The following FAM177B variants were observed in gnomAD, a reference collection of about 807,000 sequenced individuals.
FAM177B encodes family with sequence similarity 177 member B.
A neutral mutation model predicts 16.1 loss-of-function variants in FAM177B; 16 were observed. The observed-to-expected ratio is 0.99, with a 90% CI of 0.67 to 1.51. FAM177B has a LOEUF of 1.51. FAM177B is among the 40% of genes most tolerant of loss of function. The probability of loss-of-function intolerance (pLI) is 0.00; values close to 1 mark genes in which losing one functional copy is unlikely to be tolerated. For synonymous variants in FAM177B, 56 were observed against 59.9 expected (o/e 0.93, Z 0.30); for missense variants, 178 against 183.7 (o/e 0.97, Z 0.18).
chr1:222,747,247 A>T, intron 4 of FAM177B, 166 bp downstream of exon 4: 1 of 581,722 alleles, frequency 1.7e-6, no homozygotes. Flanking sequence ...TCGCATCCTC[A>T]GGCAGACCCT....
Position 222,749,949 on chromosome 1 carries a change from G to C in FAM177B, c.368G>C (p.Gly123Ala). The change falls in exon 6 of 6, where the codon GGA (glycine) becomes GCA (alanine). Residue 123 changes from glycine (G) to alanine (A), a missense_variant. Transcript: ENST00000445590. ...AGTGACAACAAAAGTGAAAGGAGAG[G>C]ATCAAAGGCCCAGGCAGCTGAGGTT... ...KKSDNKSERR[G>A]SKAQAAEVPN... 1 of 1,614,094 alleles carries C rather than the reference G, an allele frequency of 6.2e-7. No homozygotes were observed. Among genetic ancestry groups the C allele is most frequent in the Non-Finnish European group, 8.5e-7 (1 of 1,179,966 alleles).
rs1175915346 is a variant in FAM177B at position 222,741,862 on chromosome 1, CTTCT to C, written c.-16+3855_-16+3858del. Among the ~76,000 whole-genome samples, 482 of 117,604 alleles carry C rather than the reference CTTCT, an allele frequency of 4.1e-3. 3 individuals carry two copies. Among genetic ancestry groups the C allele is most frequent in the Middle Eastern group, 9.3e-3 (2 of 214 alleles). 77.2% of individuals were successfully genotyped at this position (117,604 alleles called of 152,430 possible). A position where few individuals can be genotyped will look rare whatever the true frequency, so the allele number is the denominator to read the frequency against. On this transcript the variant is annotated intron_variant, in intron 2 of 5. Transcript: ENST00000445590. ...TCTTTTTTCCTTCCTTCCTTCCTTT[CTTCT>C]TTCTTTCTTTCTTCCTTCCTTCCCT...
At position 222,750,192 on chromosome 1, in the gene FAM177B, A is replaced by G. The variant is rs1658992039; in HGVS notation, c.*134A>G. On this transcript the variant is annotated 3_prime_UTR_variant, in exon 6 of 6. Transcript: ENST00000445590. ...ACCAGAGGTAGCACTTCTGAGCCAG[A>G]TCTGATCCTAATCTCTGTGTGACTT... The G allele has an allele frequency of 6.8e-7, 1 of 1,474,596 alleles. No individual in the cohort carries two copies. The highest frequency in any genetic ancestry group is 8.9e-7 in the Non-Finnish European group (1 of 1,118,364). 91.3% of individuals were successfully genotyped at this position (1,474,596 alleles called of 1,614,324 possible).
chr1:222,744,057 T>C lies in FAM177B; in HGVS notation c.-15-2474T>C, dbSNP rs1403585598. 3.3e-5 allele frequency among the ~76,000 whole-genome samples: 5 copies of C among 152,242 alleles called. No individual in the cohort carries two copies. In the East Asian group the frequency reaches 5.8e-4, roughly 18 times the overall value. On this transcript the variant is annotated intron_variant, in intron 2 of 5. Coordinates refer to ENST00000445590, the MANE Select transcript of FAM177B (RefSeq NM_001394345.1). ...TTTTTCTGCTTCCTTAGTGTACTTA[T>C]GATTTAATGTTTTCATTTAATTTCA...
intron 2 of FAM177B, among the ~76,000 whole-genome samples, chr1:222,744,075 T>C (rs1658676492): frequency 6.6e-6 from 1 of 152,228 alleles, no homozygotes; most frequent in African/African-American, 2.4e-5. Context: ...TGTTTTCATT[T>C]AATTTCATCC....
At position 222,750,805 on chromosome 1, in the gene FAM177B, CAA is replaced by C. The variant is rs67590420; in HGVS notation, c.*760_*761del. 0.01 allele frequency: 1,487 copies of C among 143,340 alleles called. 15 individuals are homozygous for C. The highest frequency in any genetic ancestry group is 0.028 in the African/African-American group (1,055 of 37,406). 8.9% of individuals were successfully genotyped at this position (143,340 alleles called of 1,614,324 possible). A position where few individuals can be genotyped will look rare whatever the true frequency, so the allele number is the denominator to read the frequency against. ...GATACATTAATAGCAAAAAACAAAC[CAA>C]AAAAAAAAAAAATGAAAAACACAGG... On this transcript the variant is annotated 3_prime_UTR_variant, in exon 6 of 6. Transcript: ENST00000445590.
chr1:222,749,028 T>A (rs1428418271), intron 4 of FAM177B: 1 of 472,216 alleles, frequency 2.1e-6, no homozygotes, highest in African/African-American at 2.0e-5. Context: ...TTCTGAGAAG[T>A]CTGTCTGGAT....
intron 2 of FAM177B, among the ~76,000 whole-genome samples, chr1:222,741,507 T>C (rs974631630): frequency 1.1e-4 from 16 of 152,092 alleles, no homozygotes; most frequent in Middle Eastern, 3.4e-3. Context: ...CTCCCACTTA[T>C]TGTTTAGCTG....
intron 2 of FAM177B, among the ~76,000 whole-genome samples, chr1:222,742,086 G>T (rs866505602): frequency 3.3e-5 from 5 of 151,832 alleles, no homozygotes; most frequent in Admixed American, 6.6e-5. Flanking sequence ...GATTATAGGT[G>T]TGAGCCACAG....
intron 2 of FAM177B, among the ~76,000 whole-genome samples, chr1:222,741,809 TTTC>T (rs1379947176): frequency 2.0e-5 from 3 of 150,076 alleles, no homozygotes; most frequent in East Asian, 2.0e-4. Flanking sequence ...TCTCTCTTTC[TTTC>T]TTCTTTCTTT....
chr1:222,743,327 GTT>G (rs753007006), intron 2 of FAM177B, among the ~76,000 whole-genome samples: 4 of 142,932 alleles, frequency 2.8e-5, no homozygotes, highest in African/African-American at 1.0e-4. Context: ...TTTGTGTTTT[GTT>G]TTTTTTTTTG....
chr1:222,741,925 TC>T (rs1558247016), intron 2 of FAM177B, among the ~76,000 whole-genome samples: 87 of 116,996 alleles, frequency 7.4e-4, no homozygotes, highest in African/African-American at 2.3e-3. Flanking sequence ...TCTCTCTCTC[TC>T]TCTCTTTCTT....
intron 2 of FAM177B, among the ~76,000 whole-genome samples, chr1:222,740,380 A>T (rs1470706383): frequency 6.6e-6 from 1 of 152,178 alleles, no homozygotes; most frequent in Non-Finnish European, 1.5e-5. Flanking sequence ...TTATTGACTT[A>T]ACTTGGAATT....
At chr1:222,738,100 T>G (rs1451647486) in intron 2 of FAM177B, 79 bp downstream of exon 2, 2 of 151,954 alleles carry the variant, frequency 1.3e-5, no homozygotes, top group African/African-American at 4.8e-5. Flanking sequence ...TTAGACAAAT[T>G]AGGATTGAGA....
chr1:222,745,509 C>T (rs1658751626), intron 2 of FAM177B, among the ~76,000 whole-genome samples: 1 of 152,126 alleles, frequency 6.6e-6, no homozygotes, highest in Non-Finnish European at 1.5e-5. Flanking sequence ...GCCAGCTACT[C>T]AGGTGGTTGA....
In FAM177B at chr1:222,750,460, T is replaced by G. The variant is rs889149574; in HGVS notation, c.*402T>G. The G allele has an allele frequency of 2.0e-6, 2 of 995,056 alleles. No homozygotes were observed. The highest frequency in any genetic ancestry group is 1.7e-5 in the African/African-American group (1 of 57,448). The allele number at this position is 995,056 out of a possible 1,614,324, so 61.6% of individuals were successfully genotyped here. A position where few individuals can be genotyped will look rare whatever the true frequency, so the allele number is the denominator to read the frequency against. On this transcript the variant is annotated 3_prime_UTR_variant, in exon 6 of 6. Transcript: ENST00000445590. ...GAAGCTCTATTCCTCAGAAGAAAAT[T>G]TGGGCACCGCAAAGTCTAAATAAAT... is the stretch of plus-strand genomic sequence containing the variant.
At chr1:222,741,862 C>CTTCT (rs1175915346) in intron 2 of FAM177B, among the ~76,000 whole-genome samples, 2 of 117,616 alleles carry the variant, frequency 1.7e-5, no homozygotes, top group East Asian at 2.4e-4. Flanking sequence ...TCCTTCCTTT[C>CTTCT]TTCTTTCTTT....
chr1:222,741,447 AG>A (rs1658527689), intron 2 of FAM177B, among the ~76,000 whole-genome samples: 1 of 152,122 alleles, frequency 6.6e-6, no homozygotes, highest in Admixed American at 6.5e-5. Context: ...ATAAAGATGC[AG>A]GAATGGTTAA....
At chr1:222,738,440 C>A (rs747905760) in intron 2 of FAM177B, among the ~76,000 whole-genome samples, 2 of 151,560 alleles carry the variant, frequency 1.3e-5, no homozygotes, top group African/African-American at 4.8e-5. Flanking sequence ...TAAACTGAGC[C>A]GGGCGCAGTG....
Sources: gnomAD v4.1 joint callset for allele counts (sites outside exome capture counted in the v4.1 genomes callset) on GRCh38, gnomAD v4.1.1 for gene constraint, MANE v1.5 for transcripts, NCBI Gene and HGNC (gene_info 2026-07-23, HGNC 2026-07-21) for gene names.